UTRN: variants seen among roughly 807,000 people sequenced by gnomAD.
UTRN encodes the protein utrophin.
Under a neutral mutation model 463.9 loss-of-function variants are expected in UTRN, and 283 were observed. The observed-to-expected ratio is 0.61, with a 90% CI of 0.55 to 0.67. The LOEUF (loss-of-function observed/expected upper bound fraction) is 0.67. UTRN is among the 30% of genes least tolerant of loss of function. The pLI, the probability that UTRN is intolerant of heterozygous loss-of-function variation, is 0.00. For missense variants in UTRN, 3,922 were observed against 4,084.3 expected, an observed-to-expected ratio of 0.96 and a Z score of 1.08; for synonymous variants, 1,442 against 1,431.5, an observed-to-expected ratio of 1.01 and a Z score of -0.17.
intron 2 of UTRN, among the ~76,000 whole-genome samples, chr6:144,399,066 A>G (rs1327316534): frequency 6.6e-6 from 1 of 152,182 alleles, no homozygotes; most frequent in East Asian, 1.9e-4. Flanking sequence ...GGCTTTTTTA[A>G]GGTCCTCTGA....
intron 51 of UTRN, among the ~76,000 whole-genome samples, chr6:144,617,843 T>A (rs565463153): frequency 1.3e-5 from 2 of 152,264 alleles, no homozygotes; most frequent in South Asian, 2.1e-4. Context: ...GGGAGCATAA[T>A]CTCAAATTTA....
intron 6 of UTRN, among the ~76,000 whole-genome samples, chr6:144,424,636 G>C (rs933495541): frequency 7.2e-5 from 11 of 152,136 alleles, no homozygotes; most frequent in African/African-American, 2.7e-4. Flanking sequence ...AGGGAAAAAA[G>C]TACCTACCTT....
At chr6:144,289,440 A>G (rs1804012402) in intron 1 of UTRN, among the ~76,000 whole-genome samples, 1 of 152,180 alleles carries the variant, frequency 6.6e-6, no homozygotes, top group African/African-American at 2.4e-5. Context: ...ATAGCACAAT[A>G]AACACCCAGA....
chr6:144,596,868 C>CTTGAA, intron 51 of UTRN, among the ~76,000 whole-genome samples: 1 of 152,174 alleles, frequency 6.6e-6, no homozygotes, highest in Non-Finnish European at 1.5e-5. Context: ...TGTTGAGCAT[C>CTTGAA]ATAAAAGAAC....
intron 60 of UTRN, among the ~76,000 whole-genome samples, 168 bp downstream of exon 60, chr6:144,774,532 C>G (rs1212902048): frequency 6.6e-6 from 1 of 152,000 alleles, no homozygotes; most frequent in African/African-American, 2.4e-5. Context: ...ATTACTTGCC[C>G]CATCAGTGTG....
intron 40 of UTRN, 63 bp from the exon 41 acceptor site, chr6:144,522,953 A>G: frequency 8.2e-7 from 1 of 1,220,836 alleles, no homozygotes; most frequent in Non-Finnish European, 1.1e-6. Context: ...ATATCTGGTC[A>G]TCTGTGATTC....
chr6:144,499,194 T>G, intron 33 of UTRN, 63 bp from the exon 34 acceptor site: 1 of 1,516,872 alleles, frequency 6.6e-7, no homozygotes, highest in Non-Finnish European at 9.0e-7. Context: ...ACATTCTGAT[T>G]CATTCTCATT....
intron 64 of UTRN, among the ~76,000 whole-genome samples, chr6:144,800,775 T>C (rs1562928436): frequency 6.6e-6 from 1 of 152,050 alleles, no homozygotes; most frequent in East Asian, 1.9e-4. Context: ...GCTAAACCTA[T>C]GAGTGTGTTG....
intron 63 of UTRN, among the ~76,000 whole-genome samples, chr6:144,795,442 G>A (rs1403756351): frequency 6.6e-6 from 1 of 152,136 alleles, no homozygotes; most frequent in Non-Finnish European, 1.5e-5. Context: ...TTGAGGAATT[G>A]CCACGCTGTC....
At chr6:144,714,538 C>T (rs1786167370) in intron 53 of UTRN, among the ~76,000 whole-genome samples, 1 of 152,194 alleles carries the variant, frequency 6.6e-6, no homozygotes, top group African/African-American at 2.4e-5. Flanking sequence ...CTGCACTTGG[C>T]TTAATGTTCT....
Position 144,672,607 on chromosome 6 carries a change from A to G in UTRN, c.7480-5799A>G, listed in dbSNP as rs557625925. Among the ~76,000 whole-genome samples, 7 of 152,032 alleles carry G rather than the reference A, an allele frequency of 4.6e-5. No individual in the cohort carries two copies. In the South Asian group the frequency reaches 1.0e-3, roughly 23 times the overall value. Reference sequence around the variant, plus strand: ...GTCTATCAGTTTTATTTATCTTTTCAAAGAACCAGCTCTTTGTTTCACTTA... The same window carrying G: ...GTCTATCAGTTTTATTTATCTTTTCGAAGAACCAGCTCTTTGTTTCACTTA... On this transcript the variant is annotated intron_variant, in intron 51 of 74. Coordinates refer to ENST00000367545, the MANE Select transcript of UTRN (RefSeq NM_007124.3).
At chr6:144,586,162 T>C (rs1228136972) in intron 51 of UTRN, among the ~76,000 whole-genome samples, 1 of 152,116 alleles carries the variant, frequency 6.6e-6, no homozygotes, top group Non-Finnish European at 1.5e-5. Context: ...TAGATACTTG[T>C]GTAGAATATT....
At chr6:144,535,682 T>C (rs1382458807) in intron 43 of UTRN, among the ~76,000 whole-genome samples, 1 of 152,230 alleles carries the variant, frequency 6.6e-6, no homozygotes, top group African/African-American at 2.4e-5. Flanking sequence ...TGTATATATG[T>C]TGTTAACAAA....
At chr6:144,429,115 C>T (rs1479422299) in intron 8 of UTRN, among the ~76,000 whole-genome samples, 2 of 151,932 alleles carry the variant, frequency 1.3e-5, no homozygotes, top group Admixed American at 6.6e-5. Context: ...CAGCACTGGA[C>T]AATAGTTAAT....
At chr6:144,451,345 T>C in intron 17 of UTRN, 25 bp from the exon 18 acceptor site, 3 of 1,595,452 alleles carry the variant, frequency 1.9e-6, no homozygotes, top group Non-Finnish European at 2.6e-6. Context: ...ACATGACAAA[T>C]GGTCACCTCT....
At chr6:144,827,807 T>G in intron 68 of UTRN, 131 bp downstream of exon 68, 1 of 1,106,230 alleles carries the variant, frequency 9.0e-7, no homozygotes, top group South Asian at 1.6e-5. Context: ...TCCATTATAT[T>G]TGGAATTTGG....
Position 144,575,670 on chromosome 6 carries a change from T to C in UTRN, c.7290-1429T>C, listed in dbSNP as rs1801370523. Reference sequence around the variant, plus strand: ...GTCTTACTGTGCCTAATTTATATTGTAAAAATAGGTATGATGCATGGGAAA... The same window carrying C: ...GTCTTACTGTGCCTAATTTATATTGCAAAAATAGGTATGATGCATGGGAAA... On this transcript the variant is annotated intron_variant, in intron 50 of 74. Transcript: ENST00000367545. 1.3e-5 allele frequency among the ~76,000 whole-genome samples: 2 copies of C among 152,158 alleles called. 1 individual carries two copies. Among genetic ancestry groups the C allele is most frequent in the Admixed American group, 1.3e-4 (2 of 15,274 alleles).
At chr6:144,456,197 A>G (rs1463532985) in intron 19 of UTRN, among the ~76,000 whole-genome samples, 1 of 152,116 alleles carries the variant, frequency 6.6e-6, no homozygotes, top group East Asian at 1.9e-4. Flanking sequence ...AGGCATGTCA[A>G]ATTCTTCAGT....
intron 65 of UTRN, among the ~76,000 whole-genome samples, chr6:144,817,920 A>T (rs1779225861): frequency 6.6e-6 from 1 of 152,196 alleles, no homozygotes; most frequent in African/African-American, 2.4e-5. Flanking sequence ...AATTTCAATA[A>T]CTACTATAAC....
Sources: allele counts gnomAD v4.1 joint callset (sites outside exome capture counted in the v4.1 genomes callset), GRCh38; gene constraint gnomAD v4.1.1; transcripts MANE v1.5; gene names NCBI Gene and HGNC (gene_info 2026-07-23, HGNC 2026-07-21).